MCM7: variants seen among roughly 807,000 people sequenced by gnomAD.
MCM7 encodes minichromosome maintenance complex component 7, also known as DNA replication licensing factor MCM7.
In MCM7, 95 loss-of-function variants were observed where a neutral mutation model predicts 83.5. The ratio of observed to expected loss-of-function variants is 1.14; its 90% CI spans 0.96 to 1.35. MCM7 has a LOEUF of 1.35. Among genes scored for constraint, MCM7 ranks in the 40% most tolerant of loss-of-function variants. The probability of loss-of-function intolerance (pLI) is 0.00; values close to 1 mark genes in which losing one functional copy is unlikely to be tolerated. For synonymous variants in MCM7, 461 were observed against 352.7 expected, an observed-to-expected ratio of 1.31 and a Z score of -3.44; for missense variants, 1,087 against 957.4, an observed-to-expected ratio of 1.14 and a Z score of -1.79.
Position 100,098,565 on chromosome 7 carries a change from A to G in MCM7, c.720+13T>C. 6.2e-7 allele frequency: 1 copy of G among 1,613,972 alleles called. No individual in the cohort carries two copies. The highest frequency in any genetic ancestry group is 8.5e-7 in the Non-Finnish European group (1 of 1,179,906). On this transcript the variant is annotated intron_variant, in intron 6 of 14. Transcript: ENST00000303887. The stretch of plus-strand genomic sequence containing the variant: ...CCGATCCACCTGCCCAGGGCCACGT[A>G]CCCCAAACTCACATGTTCTTGCATC...
Position 100,097,686 on chromosome 7 carries a change from C to T in MCM7, c.1045G>A (p.Asp349Asn), listed in dbSNP as rs61752702. The change falls in exon 9 of 15, where the codon GAT (aspartate) becomes AAT (asparagine). Residue 349 changes from aspartate (D) to asparagine (N), a missense_variant. By Grantham distance (23) the Asp-to-Asn change is conservative. Transcript: ENST00000303887. The stretch of plus-strand genomic sequence containing the variant: ...AGGAGCAGCAGTGCCTTCTTCACAT[C>T]TTCATGCCCGTATATTTCTGGGGCG... Reference protein sequence around the residue: ...SIAPEIYGHEDVKKALLLLLV... With the variant: ...SIAPEIYGHENVKKALLLLLV... 1.1e-4 allele frequency: 173 copies of T among 1,614,098 alleles called. No individual in the cohort carries two copies. The highest frequency in any genetic ancestry group is 1.3e-4 in the Non-Finnish European group (158 of 1,180,064).
At chr7:100,099,797 T>A in intron 2 of MCM7, 44 bp from the exon 3 acceptor site, 3 of 1,607,560 alleles carry the variant, frequency 1.9e-6, no homozygotes, top group South Asian at 1.1e-5. Flanking sequence ...CCACATTCAC[T>A]TTGCTCACCA....
At position 100,101,272 on chromosome 7, in the gene MCM7, A is replaced by G. The variant is rs1274684675; in HGVS notation, c.23T>C (p.Leu8Pro). 2 of 1,613,064 alleles carry G rather than the reference A, an allele frequency of 1.2e-6. No individual in the cohort carries two copies. Among genetic ancestry groups the G allele is most frequent in the Non-Finnish European group, 1.7e-6 (2 of 1,179,884 alleles). ...GGCTCGTAGACCCGTACCCTTCTCTAGCGCGTAGTCCTTCAGTGCCATCGC... is the reference window on the plus strand; with the variant it reads ...GGCTCGTAGACCCGTACCCTTCTCTGGCGCGTAGTCCTTCAGTGCCATCGC... Reference protein sequence around the residue: MALKDYALEKEKVKKFLQ... With the variant: MALKDYAPEKEKVKKFLQ... The change falls in exon 1 of 15, where the codon CTA (leucine) becomes CCA (proline). Residue 8 changes from leucine (L) to proline (P), a missense_variant. Coordinates refer to ENST00000303887, the MANE Select transcript of MCM7 (RefSeq NM_005916.5).
intron 11 of MCM7, 104 bp from the exon 12 acceptor site, chr7:100,095,574 G>T: frequency 3.0e-6 from 4 of 1,319,212 alleles, no homozygotes; most frequent in Non-Finnish European, 4.2e-6. Flanking sequence ...CAGTGTAGGA[G>T]GGACAAGCTT....
In MCM7 at chr7:100,095,578, C is replaced by T; in HGVS notation, c.1596-108G>A. ...CCACTTCCTCACAGTGTAGGAGGGA[C>T]AAGCTTTCCCGGGAAATCCTCATCA... On this transcript the variant is annotated intron_variant, in intron 11 of 14. Transcript: ENST00000303887. 3.0e-6 allele frequency: 4 copies of T among 1,314,022 alleles called. No homozygotes were observed. In the South Asian group the frequency reaches 5.6e-5, roughly 18 times the overall value. The allele number at this position is 1,314,022 out of a possible 1,614,324, so 81.4% of individuals were successfully genotyped here. A position where few individuals can be genotyped will look rare whatever the true frequency, so the allele number is the denominator to read the frequency against.
chr7:100,099,972 A>G (rs1795871449), intron 2 of MCM7, 42 bp downstream of exon 2: 3 of 1,570,866 alleles, frequency 1.9e-6, no homozygotes, highest in East Asian at 2.2e-5. Context: ...TGGCTCCTTA[A>G]GCACCCCGCT....
chr7:100,101,285 T>C lies in MCM7; in HGVS notation c.10A>G (p.Lys4Glu). The change falls in exon 1 of 15, where the codon AAG becomes GAG. Residue 4 changes from lysine (K) to glutamate (E), a missense_variant. By Grantham distance (56) the Lys-to-Glu change is moderately conservative. Transcript: ENST00000303887. ...GTACCCTTCTCTAGCGCGTAGTCCT[T>C]CAGTGCCATCGCTGCCGAGGGCCGT... is the stretch of plus-strand genomic sequence containing the variant. MALKDYALEKEKVK... is the reference protein window; with the variant it reads MALEDYALEKEKVK... 1 of 1,613,270 alleles carries C rather than the reference T, an allele frequency of 6.2e-7. No homozygotes were observed. The highest frequency in any genetic ancestry group is 8.5e-7 in the Non-Finnish European group (1 of 1,179,890).
chr7:100,101,389 A>C lies in MCM7; in HGVS notation c.-95T>G. 3 of 1,555,896 alleles carry C rather than the reference A, an allele frequency of 1.9e-6. No homozygotes were observed. The South Asian group carries it at 3.3e-5, about 17-fold the overall frequency. ...CCGCGCGGTGGACTGTGGCCGGCCAACCGAAATTGGCGCGAAACGTCGCCC... is the reference window on the plus strand; with the variant it reads ...CCGCGCGGTGGACTGTGGCCGGCCACCCGAAATTGGCGCGAAACGTCGCCC... On this transcript the variant is annotated 5_prime_UTR_variant, in exon 1 of 15. Transcript: ENST00000303887.
intron 13 of MCM7, 66 bp from the exon 14 acceptor site, chr7:100,093,467 C>T: frequency 1.4e-6 from 2 of 1,447,492 alleles, no homozygotes; most frequent in Admixed American, 1.7e-5. Context: ...TCAGGGGACA[C>T]CCTTGTTCTG....
intron 14 of MCM7, 32 bp from the exon 15 acceptor site, chr7:100,093,165 G>A (rs750450409): frequency 6.2e-7 from 1 of 1,609,698 alleles, no homozygotes; most frequent in Non-Finnish European, 8.5e-7. Flanking sequence ...GTAAGGTCAG[G>A]ATACAAACAG....
rs1584492624 is a variant in MCM7 at position 100,097,877 on chromosome 7, A to T, written c.942T>A (p.Ser314=). 5 of 1,613,986 alleles carry T rather than the reference A, an allele frequency of 3.1e-6. No homozygotes were observed. The highest frequency in any genetic ancestry group is 2.7e-5 in the African/African-American group (2 of 74,894). The change falls in exon 8 of 15, where the codon TCT becomes TCA. Residue 314 remains serine (S), a synonymous_variant. Transcript: ENST00000303887. ...VKMNKSEDDE[S]GAGELTREEL... ...CCTCCCTGGTGAGCTCTCCAGCCCC[A>T]GACTCATCATCCTCACTCTTGTTCA...
At chr7:100,098,990 T>G in intron 5 of MCM7, 33 bp downstream of exon 5, 1 of 1,611,594 alleles carries the variant, frequency 6.2e-7, no homozygotes. Context: ...AACTAATGGG[T>G]AAGTGCTTTC....
rs781001511 is a variant in MCM7 at position 100,095,480 on chromosome 7, G to A, written c.1596-10C>T. The A allele has an allele frequency of 1.2e-6, 2 of 1,613,398 alleles. No individual in the cohort carries two copies. The highest frequency in any genetic ancestry group is 1.1e-5 in the South Asian group (1 of 90,978). On this transcript the variant is annotated splice_polypyrimidine_tract_variant and intron_variant, in intron 11 of 14. Coordinates refer to ENST00000303887, the MANE Select transcript of MCM7 (RefSeq NM_005916.5). The stretch of plus-strand genomic sequence containing the variant: ...GATGTGCTGGGCCAACCTGGACAGA[G>A]GGAAGGTTAGAAGGAACACCCTTTT...
chr7:100,098,914 C>A, intron 5 of MCM7, 109 bp downstream of exon 5: 1 of 1,482,372 alleles, frequency 6.7e-7, no homozygotes. Context: ...AAGGCGAACA[C>A]ACAGGCAACT....
intron 12 of MCM7, among the ~76,000 whole-genome samples, chr7:100,094,543 A>G (rs1795516455): frequency 6.6e-6 from 1 of 152,240 alleles, no homozygotes; most frequent in Non-Finnish European, 1.5e-5. Flanking sequence ...AGCCCCCACC[A>G]GTATCCTCCA....
chr7:100,096,873 C>T (rs1233808140), intron 10 of MCM7, among the ~76,000 whole-genome samples: 3 of 152,168 alleles, frequency 2.0e-5, no homozygotes, highest in East Asian at 1.9e-4. Context: ...GAGGCCGAGG[C>T]GGGCGGATCA....
rs1795556121 is a variant in MCM7 at position 100,095,237 on chromosome 7, T to C, written c.1679+150A>G. 3 of 730,718 alleles carry C rather than the reference T, an allele frequency of 4.1e-6. No individual in the cohort carries two copies. The Admixed American group carries it at 6.4e-5, about 16-fold the overall frequency. 45.3% of individuals were successfully genotyped at this position (730,718 alleles called of 1,614,324 possible). A position where few individuals can be genotyped will look rare whatever the true frequency, so the allele number is the denominator to read the frequency against. On this transcript the variant is annotated intron_variant, in intron 12 of 14. Coordinates refer to ENST00000303887, the MANE Select transcript of MCM7 (RefSeq NM_005916.5). ...TCCCTATGATATGAAGTGTGGAATTTTCCACTTAAAAGCTGATCTGAGGCT... is the reference window on the plus strand; with the variant it reads ...TCCCTATGATATGAAGTGTGGAATTCTCCACTTAAAAGCTGATCTGAGGCT...
At position 100,096,069 on chromosome 7, in the gene MCM7, G is replaced by A; in HGVS notation, c.1300C>T (p.Leu434=). Residue 434 remains leucine (L), a synonymous_variant, in exon 11 of 15, where the codon CTG becomes TTG. Coordinates refer to ENST00000303887, the MANE Select transcript of MCM7 (RefSeq NM_005916.5). ...CACACACCCTGGTCAGCCAGCACCA[G>A]GGCCCCACCCTCTAAGGTCAGTTCT... is the stretch of plus-strand genomic sequence containing the variant. ...SGELTLEGGA[L]VLADQGVCCI... 2.5e-6 allele frequency: 4 copies of A among 1,614,098 alleles called. No individual in the cohort carries two copies. In the South Asian group the frequency reaches 4.4e-5, roughly 18 times the overall value.
rs1795810792 is a variant in MCM7 at position 100,099,307 on chromosome 7, G to A, written c.373C>T (p.Gln125Ter). 6.2e-7 allele frequency: 1 copy of A among 1,613,884 alleles called. No individual in the cohort carries two copies. Among genetic ancestry groups the A allele is most frequent in the South Asian group, 1.1e-5 (1 of 91,076 alleles). Residue 125 changes from glutamine to a stop codon, truncating the protein, a stop_gained, in exon 4 of 15, where the codon CAG (glutamine) becomes TAG (stop). Coordinates refer to ENST00000303887, the MANE Select transcript of MCM7 (RefSeq NM_005916.5). LOFTEE classifies it high-confidence loss of function. ...CTGCGCATGAGTTCAGCAGGGTACT[G>A]GTTCTGGGGGCTTCGGACCATCCCA... is the stretch of plus-strand genomic sequence containing the variant. ...DPGMVRSPQN[Q>*]YPAELMRRFE...
Sources: gnomAD v4.1 joint callset for allele counts (sites outside exome capture counted in the v4.1 genomes callset) on GRCh38, gnomAD v4.1.1 for gene constraint, MANE v1.5 for transcripts, NCBI Gene and HGNC (gene_info 2026-07-23, HGNC 2026-07-21) for gene names.